LHPP: variants seen among roughly 807,000 people sequenced by gnomAD.
LHPP encodes the protein phospholysine phosphohistidine inorganic pyrophosphate phosphatase, also known as hLHPP.
A neutral mutation model predicts 30.3 loss-of-function variants in LHPP; 24 were observed. The observed-to-expected ratio is 0.79, with a 90% CI of 0.57 to 1.11. The LOEUF (loss-of-function observed/expected upper bound fraction) is 1.11. Among genes scored for constraint, LHPP ranks in the 50% most tolerant of loss-of-function variants. The probability of loss-of-function intolerance (pLI) is 0.00; values close to 1 mark genes in which losing one functional copy is unlikely to be tolerated. For synonymous variants in LHPP, 150 were observed against 157.1 expected (o/e 0.95, Z 0.34); for missense variants, 356 against 367.2 (o/e 0.97, Z 0.25).
chr10:124,502,808 C>T (rs1266352370), intron 5 of LHPP, among the ~76,000 whole-genome samples: 6 of 150,384 alleles, frequency 4.0e-5, no homozygotes, highest in Non-Finnish European at 8.8e-5. Flanking sequence ...TCCTGAGTAG[C>T]TGGGATTACA....
At chr10:124,560,011 C>A (rs1397566440) in intron 6 of LHPP, among the ~76,000 whole-genome samples, 3 of 152,254 alleles carry the variant, frequency 2.0e-5, no homozygotes, top group Non-Finnish European at 2.9e-5. Context: ...ATCATTTCCA[C>A]TTTCCAGGCC....
At chr10:124,562,429 A>C (rs922998579) in intron 6 of LHPP, among the ~76,000 whole-genome samples, 6 of 152,252 alleles carry the variant, frequency 3.9e-5, no homozygotes, top group African/African-American at 1.2e-4. Flanking sequence ...CAGCAGAATC[A>C]AGGGGACAGA....
At chr10:124,546,568 A>G (rs1044867239) in intron 6 of LHPP, among the ~76,000 whole-genome samples, 12 of 151,586 alleles carry the variant, frequency 7.9e-5, no homozygotes, top group Non-Finnish European at 1.8e-4. Flanking sequence ...ACGCCCGGCT[A>G]ATTTTTTGTA....
At chr10:124,528,366 T>G (rs1050249049) in intron 6 of LHPP, among the ~76,000 whole-genome samples, 6 of 151,900 alleles carry the variant, frequency 3.9e-5, no homozygotes, top group Non-Finnish European at 7.4e-5. Context: ...TTTATTATTT[T>G]ATTTTTTTTT....
At chr10:124,513,865 C>G (rs1422154738) in intron 5 of LHPP, among the ~76,000 whole-genome samples, 1 of 151,944 alleles carries the variant, frequency 6.6e-6, no homozygotes, top group East Asian at 1.9e-4. Context: ...CCACAAATGA[C>G]TGACGTTTCA....
In LHPP at chr10:124,540,765, G is replaced by T. The variant is rs146829056; in HGVS notation, c.716+23494G>T. Among the ~76,000 whole-genome samples the T allele has an allele frequency of 5.3e-3, 812 of 152,234 alleles. 5 individuals carry two copies. The highest frequency in any genetic ancestry group is 0.019 in the African/African-American group (787 of 41,534). ...CTACAGAGGCCCCGGGACCCCAAAG[G>T]CTGCACTGAGGTGGCCACCAAAACC... On this transcript the variant is annotated intron_variant, in intron 6 of 6. Coordinates refer to ENST00000368842, the MANE Select transcript of LHPP (RefSeq NM_022126.4).
At chr10:124,506,417 A>T (rs549861931) in intron 5 of LHPP, among the ~76,000 whole-genome samples, 1 of 151,996 alleles carries the variant, frequency 6.6e-6, no homozygotes, top group African/African-American at 2.4e-5. Context: ...CAAGCTGTGA[A>T]ACCAAAATTG....
intron 6 of LHPP, among the ~76,000 whole-genome samples, chr10:124,607,944 G>A (rs370249634): frequency 2.0e-5 from 3 of 152,174 alleles, no homozygotes; most frequent in Non-Finnish European, 4.4e-5. Flanking sequence ...AGACCCTAGT[G>A]GGAGCTGAGG....
intron 6 of LHPP, among the ~76,000 whole-genome samples, chr10:124,557,805 G>A (rs544079293): frequency 3.4e-4 from 52 of 152,226 alleles, no homozygotes; most frequent in Non-Finnish European, 6.5e-4. Context: ...GGCGTGGACC[G>A]TGGGGGATCC....
rs1948860372 is a variant in LHPP, at chr10:124,590,065, C to T, written c.717-23199C>T. Reference sequence around the variant, plus strand: ...GAAAAATAAATGCGTGATTGACTGGCTTTGCAGGTTTTTTATCCATCGTTC... The same window carrying T: ...GAAAAATAAATGCGTGATTGACTGGTTTTGCAGGTTTTTTATCCATCGTTC... On this transcript the variant is annotated intron_variant, in intron 6 of 6. Coordinates refer to ENST00000368842, the MANE Select transcript of LHPP (RefSeq NM_022126.4). The surrounding 1 kb of genome is among the most constrained non-coding windows in gnomAD (Gnocchi z 4.3). 6.6e-6 allele frequency among the ~76,000 whole-genome samples: 1 copy of T among 152,216 alleles called. No homozygotes were observed. Among genetic ancestry groups the T allele is most frequent in the African/African-American group, 2.4e-5 (1 of 41,454 alleles).
chr10:124,589,105 A>G (rs1445467308), intron 6 of LHPP, among the ~76,000 whole-genome samples: 1 of 152,156 alleles, frequency 6.6e-6, no homozygotes, highest in African/African-American at 2.4e-5. Flanking sequence ...TCAAGGACCA[A>G]TGCTTCTGCC....
At chr10:124,566,032 G>T (rs573947367) in intron 6 of LHPP, among the ~76,000 whole-genome samples, 2 of 152,364 alleles carry the variant, frequency 1.3e-5, no homozygotes, top group African/African-American at 4.8e-5. Context: ...TGGGTGGCCC[G>T]CAAGGCCAGG....
At chr10:124,497,053 T>A in intron 4 of LHPP, 29 bp downstream of exon 4, 1 of 1,582,720 alleles carries the variant, frequency 6.3e-7, no homozygotes, top group Non-Finnish European at 8.7e-7. Flanking sequence ...TCCCAAACTC[T>A]CTTCAGACCT....
intron 6 of LHPP, among the ~76,000 whole-genome samples, chr10:124,548,994 G>A (rs1172009015): frequency 6.6e-6 from 1 of 152,198 alleles, no homozygotes; most frequent in East Asian, 1.9e-4. Flanking sequence ...ATACATGCAT[G>A]GCAAAACACT....
intron 6 of LHPP, among the ~76,000 whole-genome samples, chr10:124,604,759 G>T (rs1949070611): frequency 6.6e-6 from 1 of 152,246 alleles, no homozygotes; most frequent in Non-Finnish European, 1.5e-5. Flanking sequence ...AATTCACTGG[G>T]CAGCCGCCCC....
At chr10:124,513,463 T>TA (rs386372734) in intron 5 of LHPP, among the ~76,000 whole-genome samples, 1 of 464 alleles carries the variant, frequency 2.2e-3, no homozygotes, top group African/African-American at 3.2e-3. Flanking sequence ...TTATTATTAC[T>TA]TTTTTTTTTT....
chr10:124,545,636 G>A (rs535185430), intron 6 of LHPP, among the ~76,000 whole-genome samples: 99 of 150,206 alleles, frequency 6.6e-4, no homozygotes, highest in African/African-American at 2.3e-3. Context: ...AAGGCCCAGC[G>A]GGTGTGTCAG....
intron 6 of LHPP, among the ~76,000 whole-genome samples, chr10:124,529,797 ACACACACACACACACG>A (rs943510182): frequency 6.6e-5 from 2 of 30,190 alleles, no homozygotes; most frequent in African/African-American, 1.5e-4. Flanking sequence ...TCATGCACAT[ACACACACACACACACG>A]CACACACACA....
chr10:124,600,958 A>AT (rs1448983345), intron 6 of LHPP, among the ~76,000 whole-genome samples: 1 of 152,166 alleles, frequency 6.6e-6, no homozygotes, highest in Non-Finnish European at 1.5e-5. Flanking sequence ...ATTGTGGCAG[A>AT]TTGATGGGTG....
Sources: allele counts gnomAD v4.1 joint callset (sites outside exome capture counted in the v4.1 genomes callset), GRCh38; gene constraint gnomAD v4.1.1; non-coding constraint Gnocchi (gnomAD v3.1); transcripts MANE v1.5; gene names NCBI Gene and HGNC (gene_info 2026-07-23, HGNC 2026-07-21).